The following NEGR1 variants were observed in gnomAD, a reference collection of about 807,000 sequenced individuals.
NEGR1 encodes the protein neuronal growth regulator 1.
Under a neutral mutation model 40.9 loss-of-function variants are expected in NEGR1, and 10 were observed. The observed-to-expected ratio is 0.24, with a 90% CI of 0.15 to 0.42. The LOEUF (loss-of-function observed/expected upper bound fraction) is 0.42. NEGR1 is among the 10% of genes least tolerant of loss of function. The pLI is 1.00. For missense variants in NEGR1, 352 were observed against 438.9 expected, an observed-to-expected ratio of 0.80 and a Z score of 1.77; for synonymous variants, 185 against 166.8, an observed-to-expected ratio of 1.11 and a Z score of -0.84.
chr1:71,668,871 G>T (rs1322443568), intron 4 of NEGR1, among the ~76,000 whole-genome samples: 2 of 152,132 alleles, frequency 1.3e-5, no homozygotes, highest in Non-Finnish European at 2.9e-5. Context: ...CAGTCTGCTT[G>T]GCGTGAGCTA....
intron 1 of NEGR1, among the ~76,000 whole-genome samples, chr1:72,139,466 T>C (rs960423875): frequency 6.6e-6 from 1 of 152,042 alleles, no homozygotes; most frequent in East Asian, 1.9e-4. Context: ...ATTACTCAGA[T>C]TCTATAGATT....
chr1:71,531,490 C>T (rs1480686234), intron 6 of NEGR1, among the ~76,000 whole-genome samples: 1 of 151,286 alleles, frequency 6.6e-6, no homozygotes, highest in East Asian at 2.0e-4. Context: ...AGATTATGAT[C>T]TCATATGAAC....
chr1:72,113,321 C>T (rs932438285), intron 1 of NEGR1, among the ~76,000 whole-genome samples: 4 of 151,302 alleles, frequency 2.6e-5, no homozygotes, highest in African/African-American at 9.7e-5. Flanking sequence ...GACTCAAAAT[C>T]AGAAAAGCAA....
intron 3 of NEGR1, among the ~76,000 whole-genome samples, chr1:71,711,409 A>G (rs1359697166): frequency 2.0e-5 from 3 of 149,670 alleles, no homozygotes; most frequent in Non-Finnish European, 4.4e-5. Flanking sequence ...AAGATGCTGC[A>G]CATAATTAGT....
chr1:71,474,140 G>A (rs549749040), intron 6 of NEGR1, among the ~76,000 whole-genome samples: 1 of 151,986 alleles, frequency 6.6e-6, no homozygotes, highest in Admixed American at 6.6e-5. Flanking sequence ...CCACAGACTT[G>A]CACTGAAAGA....
chr1:71,766,175 A>G lies in NEGR1; in HGVS notation c.535+9997T>C, dbSNP rs1656125135. ...GCAAGAGAGCAAGACTCCGTCTCAA[A>G]AAAAAAAAAAAAAAAGAAGAGATCT... On this transcript the variant is annotated intron_variant, in intron 3 of 6. Coordinates refer to ENST00000357731, the MANE Select transcript of NEGR1 (RefSeq NM_173808.3). Among the ~76,000 whole-genome samples, 21 of 116,390 alleles carry G rather than the reference A, an allele frequency of 1.8e-4. 1 individual carries two copies. The South Asian group carries it at 6.1e-3, about 34-fold the overall frequency. 76.4% of individuals were successfully genotyped at this position (116,390 alleles called of 152,430 possible).
intron 4 of NEGR1, among the ~76,000 whole-genome samples, chr1:71,617,889 A>T (rs1208528021): frequency 6.6e-6 from 1 of 152,166 alleles, no homozygotes; most frequent in African/African-American, 2.4e-5. Flanking sequence ...TGCAGAGATT[A>T]CTTTTAGAAA....
chr1:71,528,273 A>C (rs1647251763), intron 6 of NEGR1, among the ~76,000 whole-genome samples: 1 of 151,402 alleles, frequency 6.6e-6, no homozygotes. Context: ...ATATATGTGA[A>C]GATTTCCCCC....
In NEGR1 at chr1:72,026,110, C is replaced by CAAA. The variant is rs1172589239; in HGVS notation, c.177-90802_177-90800dup. 5.9e-3 allele frequency among the ~76,000 whole-genome samples: 183 copies of CAAA among 31,152 alleles called. 11 individuals are homozygous for CAAA. Among genetic ancestry groups the CAAA allele is most frequent in the African/African-American group, 9.4e-3 (99 of 10,552 alleles). The allele number at this position is 31,152 out of a possible 152,430, so 20.4% of individuals were successfully genotyped here. On this transcript the variant is annotated intron_variant, in intron 1 of 6. Coordinates refer to ENST00000357731, the MANE Select transcript of NEGR1 (RefSeq NM_173808.3). ...TGGGCGACAGAGCGAGACTCCGTCT[C>CAAA]AAAAAAAAAAAAAAAAAAAAAAAAA...
intron 5 of NEGR1, among the ~76,000 whole-genome samples, chr1:71,607,536 T>G (rs1370584869): frequency 6.6e-6 from 1 of 152,150 alleles, no homozygotes; most frequent in Non-Finnish European, 1.5e-5. Flanking sequence ...CTTAAAAGCA[T>G]TCTATGCTTT....
chr1:71,532,022 A>G (rs1269012952), intron 6 of NEGR1, among the ~76,000 whole-genome samples: 1 of 151,440 alleles, frequency 6.6e-6, no homozygotes, highest in Non-Finnish European at 1.5e-5. Context: ...CTATTTAACT[A>G]ACTTATACCT....
intron 4 of NEGR1, among the ~76,000 whole-genome samples, chr1:71,670,625 C>CTCT (rs1229956478): frequency 1.3e-5 from 2 of 152,008 alleles, no homozygotes; most frequent in African/African-American, 4.8e-5. Context: ...TCACTGCAAC[C>CTCT]TCTGCCTTCC....
At chr1:71,427,451 A>T (rs1356007080) in intron 6 of NEGR1, among the ~76,000 whole-genome samples, 2 of 152,190 alleles carry the variant, frequency 1.3e-5, no homozygotes, top group Non-Finnish European at 2.9e-5. Flanking sequence ...TCTAATCTTA[A>T]TATATATCTT....
chr1:72,264,030 CACTA>C (rs1180919818), intron 1 of NEGR1, among the ~76,000 whole-genome samples: 6 of 151,300 alleles, frequency 4.0e-5, no homozygotes, highest in Admixed American at 6.6e-5. Flanking sequence ...TTAGAGGTAT[CACTA>C]ACTATGACAG....
At position 71,592,983 on chromosome 1, in the gene NEGR1, A is replaced by G. The variant is rs776454250; in HGVS notation, c.789-15T>C. ...CATTGAAGAGCCTAGAAGACAAAAT[A>G]AGCTCTAGGTAAATATGTATTGTGA... On this transcript the variant is annotated splice_polypyrimidine_tract_variant and intron_variant, in intron 5 of 6. Transcript: ENST00000357731. 6.3e-7 allele frequency: 1 copy of G among 1,595,504 alleles called. No homozygotes were observed. The highest frequency in any genetic ancestry group is 1.1e-5 in the South Asian group (1 of 90,462).
chr1:71,999,153 T>A (rs1436435091), intron 1 of NEGR1, among the ~76,000 whole-genome samples: 3 of 151,968 alleles, frequency 2.0e-5, no homozygotes, highest in Non-Finnish European at 4.4e-5. Flanking sequence ...GAGTCTCAAT[T>A]ATTTTGACAT....
intron 2 of NEGR1, among the ~76,000 whole-genome samples, chr1:71,928,738 GT>G (rs1265574095): frequency 6.6e-6 from 1 of 151,846 alleles, no homozygotes; most frequent in Non-Finnish European, 1.5e-5. Context: ...GCAATGCAAT[GT>G]TCTTAGGCCT....
At chr1:72,023,159 G>GC (rs1646775996) in intron 1 of NEGR1, among the ~76,000 whole-genome samples, 1 of 151,916 alleles carries the variant, frequency 6.6e-6, no homozygotes, top group Admixed American at 6.6e-5. Flanking sequence ...CATTTTTGTG[G>GC]CAGAAGTTAT....
rs1227931856 is a variant in NEGR1 at position 71,398,549 on chromosome 1, C to G, written c.*8897G>C. 1.3e-5 allele frequency: 2 copies of G among 152,244 alleles called. 1 individual carries two copies. The highest frequency in any genetic ancestry group is 1.3e-4 in the Admixed American group (2 of 15,280). 9.4% of individuals were successfully genotyped at this position (152,244 alleles called of 1,614,324 possible). A position where few individuals can be genotyped will look rare whatever the true frequency, so the allele number is the denominator to read the frequency against. On this transcript the variant is annotated 3_prime_UTR_variant, in exon 7 of 7. Transcript: ENST00000357731. ...CCCAATGCCTGTACTTCCATTGCATCTAGGAAGTAACTAACTTGCTTTTGA... is the reference window on the plus strand; with the variant it reads ...CCCAATGCCTGTACTTCCATTGCATGTAGGAAGTAACTAACTTGCTTTTGA...
Sources: gnomAD v4.1 joint callset for allele counts (sites outside exome capture counted in the v4.1 genomes callset) on GRCh38, gnomAD v4.1.1 for gene constraint, MANE v1.5 for transcripts, NCBI Gene and HGNC (gene_info 2026-07-23, HGNC 2026-07-21) for gene names.